BBIP1: variants seen among roughly 807,000 people sequenced by gnomAD.
BBIP1 encodes the protein BBSome-interacting protein 1.
In BBIP1, 6 loss-of-function variants were observed where a neutral mutation model predicts 8.9. The observed-to-expected ratio is 0.67, with a 90% CI of 0.37 to 1.33. The LOEUF (loss-of-function observed/expected upper bound fraction) is 1.33. Ranked by LOEUF, BBIP1 falls within the 40% of genes most tolerant of loss-of-function variation. BBIP1 has a pLI of 0.02. For missense variants in BBIP1, 111 were observed against 109.2 expected, an observed-to-expected ratio of 1.02 and a Z score of -0.07; for synonymous variants, 32 against 33.4, an observed-to-expected ratio of 0.96 and a Z score of 0.14.
upstream of BBIP1, chr10:110,919,329 A>C: frequency 1.1e-5 from 4 of 355,618 alleles, no homozygotes; most frequent in East Asian, 4.1e-5. Flanking sequence ...CCGGCTAGCC[A>C]GAGGCGCCCA....
intron 2 of BBIP1, chr10:110,912,158 C>CTTTTTT (rs79971994): frequency 6.2e-5 from 8 of 128,296 alleles, no homozygotes; most frequent in East Asian, 2.2e-4. Flanking sequence ...CTTTTCTTTT[C>CTTTTTT]TTTTTTTTTT....
rs531591277 is a variant in BBIP1 at position 110,913,164 on chromosome 10, G to A, written c.37+4957C>T. ...TACATGGTTGTACTCTGGCCATGCC[G>A]CTAACTAGCTGTGTGACCTTGAATA... is the stretch of plus-strand genomic sequence containing the variant. On this transcript the variant is annotated intron_variant, in intron 2 of 3. Transcript: ENST00000448814. Among the ~76,000 whole-genome samples the A allele has an allele frequency of 5.3e-5, 8 of 152,274 alleles. No individual in the cohort carries two copies. The East Asian group carries it at 1.3e-3, about 26-fold the overall frequency.
chr10:110,917,931 C>A, intron 2 of BBIP1, 190 bp downstream of exon 2: 1 of 600,158 alleles, frequency 1.7e-6, no homozygotes, highest in Non-Finnish European at 2.9e-6. Context: ...CACATCTCCA[C>A]GGGTAACAGA....
chr10:110,914,286 T>C (rs747147375), intron 2 of BBIP1, among the ~76,000 whole-genome samples: 72 of 152,114 alleles, frequency 4.7e-4, no homozygotes, highest in Admixed American at 3.5e-3. Context: ...TGAATATTTA[T>C]TAAGTTGGGT....
At chr10:110,901,910 T>G in intron 2 of BBIP1, 2 of 325,120 alleles carry the variant, frequency 6.2e-6, no homozygotes, top group Non-Finnish European at 1.2e-5. Context: ...ATGATTAATA[T>G]CATCTGAGGA....
At chr10:110,901,041 T>C in intron 3 of BBIP1, 1 of 405,066 alleles carries the variant, frequency 2.5e-6, no homozygotes, top group Non-Finnish European at 4.9e-6. Context: ...ATCCCAGCAC[T>C]TTGGGATGCC....
intron 2 of BBIP1, among the ~76,000 whole-genome samples, chr10:110,905,756 G>A (rs1846117350): frequency 6.6e-6 from 1 of 152,086 alleles, no homozygotes; most frequent in African/African-American, 2.4e-5. Flanking sequence ...TTCATACACT[G>A]ATGTTTAAAT....
At chr10:110,901,392 A>G (rs983714640) in intron 3 of BBIP1, 146 bp downstream of exon 3, 5 of 620,662 alleles carry the variant, frequency 8.1e-6, no homozygotes, top group Non-Finnish European at 1.4e-5. Flanking sequence ...GATGTCATGA[A>G]AAAGCATATA....
chr10:110,908,666 G>A (rs1846200166), intron 2 of BBIP1, among the ~76,000 whole-genome samples: 1 of 152,066 alleles, frequency 6.6e-6, no homozygotes, highest in African/African-American at 2.4e-5. Context: ...ACAGAATAGG[G>A]AGCAATTGTG....
intron 2 of BBIP1, among the ~76,000 whole-genome samples, chr10:110,909,565 G>C (rs1262598985): frequency 2.0e-5 from 3 of 152,202 alleles, no homozygotes; most frequent in African/African-American, 7.2e-5. Flanking sequence ...ACAAGTGAAA[G>C]TCTTAGAAAA....
chr10:110,918,158 C>A lies in BBIP1; in HGVS notation c.-1G>T. On this transcript the variant is annotated 5_prime_UTR_variant, in exon 2 of 4. Transcript: ENST00000448814. ...GTCTTTTTGCTGCAGCTTTAAGCAT[C>A]CAACCCGGTATTACCAAGATGACTT... The A allele has an allele frequency of 6.5e-7, 1 of 1,535,754 alleles. No homozygotes were observed. Among genetic ancestry groups the A allele is most frequent in the South Asian group, 1.2e-5 (1 of 84,044 alleles).
chr10:110,917,507 A>C (rs1485295111), intron 2 of BBIP1, among the ~76,000 whole-genome samples: 3 of 152,204 alleles, frequency 2.0e-5, no homozygotes, highest in African/African-American at 7.2e-5. Flanking sequence ...TCATTAAATT[A>C]TTTCTTTCAG....
At chr10:110,917,884 CAG>C (rs1590762211) in intron 2 of BBIP1, 1 of 563,236 alleles carries the variant, frequency 1.8e-6, no homozygotes, top group Non-Finnish European at 3.2e-6. Flanking sequence ...ATGCTAAACT[CAG>C]AGGAAATTAC....
intron 2 of BBIP1, among the ~76,000 whole-genome samples, chr10:110,915,169 T>G (rs1474943303): frequency 6.6e-6 from 1 of 152,154 alleles, no homozygotes; most frequent in Non-Finnish European, 1.5e-5. Flanking sequence ...CTTTTTTTGT[T>G]TTTTTAAGAC....
intron 2 of BBIP1, among the ~76,000 whole-genome samples, chr10:110,917,194 ATTTTTTTT>A (rs67066048): frequency 0.13 from 14,011 of 108,136 alleles, 772 homozygotes; most frequent in Middle Eastern, 0.2. Flanking sequence ...CTGGATCCTG[ATTTTTTTT>A]TTTTTTTTTT....
chr10:110,906,004 C>A (rs1240404161), intron 2 of BBIP1, among the ~76,000 whole-genome samples: 3 of 79,296 alleles, frequency 3.8e-5, no homozygotes, highest in African/African-American at 1.1e-4. Context: ...TATTTTCATG[C>A]CTTTTTTTTT....
intron 2 of BBIP1, chr10:110,907,526 A>G (rs796418257): frequency 1.3e-4 from 65 of 498,100 alleles, no homozygotes; most frequent in East Asian, 9.2e-4. Context: ...AAAAAAAAAA[A>G]AAAAGAAAAG....
At position 110,909,173 on chromosome 10, in the gene BBIP1, A is replaced by T. The variant is rs140505533; in HGVS notation, c.38-7561T>A. Among the ~76,000 whole-genome samples the T allele has an allele frequency of 5.2e-3, 785 of 151,594 alleles. 8 individuals carry two copies. Among genetic ancestry groups the T allele is most frequent in the African/African-American group, 0.018 (752 of 41,496 alleles). ...ACAACTTCAAACTGTAAAGACTAAG[A>T]TTTATATAATTTTGTTATGAAAAAG... On this transcript the variant is annotated intron_variant, in intron 2 of 3. Transcript: ENST00000448814.
chr10:110,901,672 T>C (rs1715939302), intron 2 of BBIP1, 60 bp from the exon 3 acceptor site: 2 of 1,277,398 alleles, frequency 1.6e-6, no homozygotes, highest in African/African-American at 2.9e-5. Context: ...GCCTGAGACA[T>C]TTCCATTGTA....
Sources: allele counts gnomAD v4.1 joint callset (sites outside exome capture counted in the v4.1 genomes callset), GRCh38; gene constraint gnomAD v4.1.1; transcripts MANE v1.5; gene names NCBI Gene and HGNC (gene_info 2026-07-23, HGNC 2026-07-21).